Variants in CD55 observed in about 807,000 individuals in gnomAD.
The protein encoded by CD55 is complement decay-accelerating factor.
In CD55, 41 loss-of-function variants were observed where a neutral mutation model predicts 45.8. The ratio of observed to expected loss-of-function variants is 0.90; its 90% CI spans 0.70 to 1.16. The LOEUF is 1.16. Ranked by LOEUF, CD55 falls within the 50% of genes most tolerant of loss-of-function variation. The pLI, the probability that CD55 is intolerant of heterozygous loss-of-function variation, is 0.00. For synonymous variants in CD55, 181 were observed against 181.1 expected (o/e 1.00, Z 0.01); for missense variants, 416 against 469.8 (o/e 0.89, Z 1.06).
intron 6 of CD55, among the ~76,000 whole-genome samples, chr1:207,333,785 G>A (rs755041965): frequency 6.6e-6 from 1 of 152,074 alleles, no homozygotes; most frequent in Non-Finnish European, 1.5e-5. Context: ...AGGCAGAGCA[G>A]GAAACAGTAT....
intron 7 of CD55, 114 bp downstream of exon 7, chr1:207,336,932 A>T: frequency 8.1e-7 from 1 of 1,233,554 alleles, no homozygotes; most frequent in Admixed American, 1.9e-5. Context: ...TACAATAGTC[A>T]CACCAACACC....
chr1:207,336,139 T>C (rs1195375350), intron 6 of CD55, among the ~76,000 whole-genome samples: 4 of 152,150 alleles, frequency 2.6e-5, no homozygotes, highest in Non-Finnish European at 5.9e-5. Context: ...TGTTATCTAG[T>C]CTGAAATCTA....
chr1:207,357,209 A>C (rs1246460164), intron 9 of CD55, among the ~76,000 whole-genome samples: 3 of 152,184 alleles, frequency 2.0e-5, no homozygotes, highest in Non-Finnish European at 4.4e-5. Context: ...TAATTTTTAC[A>C]GGCATTTGTT....
rs1475500098 is a variant in CD55, at chr1:207,354,144, G to A, written c.1082-5402G>A. 2.7e-6 allele frequency: 4 copies of A among 1,504,148 alleles called. No homozygotes were observed. The East Asian group carries it at 9.9e-5, about 37-fold the overall frequency. 93.2% of individuals were successfully genotyped at this position (1,504,148 alleles called of 1,614,324 possible). A position where few individuals can be genotyped will look rare whatever the true frequency, so the allele number is the denominator to read the frequency against. The stretch of plus-strand genomic sequence containing the variant: ...AGTTGGGTTCTTTGGCAGTGAAGAT[G>A]ATACCCTATATATTAATGTAGTATC... On this transcript the variant is annotated intron_variant, in intron 9 of 9. Transcript: ENST00000367064.
In CD55 at chr1:207,341,550, A is replaced by T. The variant is rs183253880; in HGVS notation, c.1081+2133A>T. On this transcript the variant is annotated intron_variant, in intron 9 of 9. Transcript: ENST00000367064. ...TATGTTCTTGGCACCTTTGTAAAAA[A>T]ATCAGTTAGCTATAAATATGTGGAT... Among the ~76,000 whole-genome samples the T allele has an allele frequency of 1.4e-3, 215 of 152,268 alleles. 1 individual carries two copies. Among genetic ancestry groups the T allele is most frequent in the Non-Finnish European group, 7.9e-4 (54 of 68,012 alleles).
intron 9 of CD55, among the ~76,000 whole-genome samples, chr1:207,345,305 C>A (rs1188573290): frequency 6.6e-6 from 1 of 151,974 alleles, no homozygotes; most frequent in East Asian, 1.9e-4. Flanking sequence ...GAGATTCTTT[C>A]TTCTGCTTGA....
At chr1:207,342,160 C>T (rs925395707) in intron 9 of CD55, among the ~76,000 whole-genome samples, 1 of 151,730 alleles carries the variant, frequency 6.6e-6, no homozygotes, top group Non-Finnish European at 1.5e-5. Flanking sequence ...TTTTTTTTTA[C>T]ATATAAAATC....
intron 9 of CD55, among the ~76,000 whole-genome samples, chr1:207,344,175 T>C (rs1465473377): frequency 6.6e-6 from 1 of 152,248 alleles, no homozygotes; most frequent in Non-Finnish European, 1.5e-5. Flanking sequence ...GTTATTGATA[T>C]GTGAGGAATT....
chr1:207,331,060 A>G (rs775558987), intron 5 of CD55, 48 bp from the exon 6 acceptor site: 5 of 1,266,296 alleles, frequency 3.9e-6, no homozygotes, highest in African/African-American at 3.1e-5. Context: ...TTGTAAAAAT[A>G]CTTTACTAGT....
intron 9 of CD55, among the ~76,000 whole-genome samples, chr1:207,356,626 C>T (rs887187137): frequency 1.3e-5 from 2 of 152,074 alleles, no homozygotes; most frequent in Non-Finnish European, 2.9e-5. Flanking sequence ...GTTAAGGCAG[C>T]AGACAAATGG....
At chr1:207,339,611 G>T (rs960100655) in intron 9 of CD55, among the ~76,000 whole-genome samples, 194 bp downstream of exon 9, 3 of 151,946 alleles carry the variant, frequency 2.0e-5, no homozygotes, top group Non-Finnish European at 4.4e-5. Flanking sequence ...TCATATACTC[G>T]CTCGGATTCA....
At position 207,322,400 on chromosome 1, in the gene CD55, C is replaced by A. The variant is rs779820703; in HGVS notation, c.119C>A (p.Pro40Gln). Reference protein sequence around the residue: ...PAVWGDCGLPPDVPNAQPALE... With the variant: ...PAVWGDCGLPQDVPNAQPALE... Reference sequence around the variant, plus strand: ...TCCCTAGGTGACTGTGGCCTTCCCCCAGATGTACCTAATGCCCAGCCAGCT... The same window carrying A: ...TCCCTAGGTGACTGTGGCCTTCCCCAAGATGTACCTAATGCCCAGCCAGCT... The change falls in exon 2 of 10, where the codon CCA becomes CAA. Residue 40 changes from proline (P) to glutamine (Q), a missense_variant. Around this residue, in one of 3 missense-constraint regions of CD55, gnomAD observed 123 missense variants for 105.1 expected, o/e 1.17. Transcript: ENST00000367064. The A allele has an allele frequency of 2.5e-6, 4 of 1,614,030 alleles. No homozygotes were observed. Among genetic ancestry groups the A allele is most frequent in the Non-Finnish European group, 3.4e-6 (4 of 1,179,910 alleles).
Position 207,359,685 on chromosome 1 carries a change from G to T in CD55, c.*75G>T. 1.3e-6 allele frequency: 2 copies of T among 1,511,958 alleles called. No individual in the cohort carries two copies. Among genetic ancestry groups the T allele is most frequent in the South Asian group, 1.3e-5 (1 of 77,374 alleles). 93.7% of individuals were successfully genotyped at this position (1,511,958 alleles called of 1,614,324 possible). A position where few individuals can be genotyped will look rare whatever the true frequency, so the allele number is the denominator to read the frequency against. On this transcript the variant is annotated 3_prime_UTR_variant, in exon 10 of 10. Transcript: ENST00000367064. ...AGTTTCTTAGACTTATCTGCATATT[G>T]GATAAAATAAATGCAATTGTGCTCT...
chr1:207,321,917 A>G (rs1654424397), intron 1 of CD55, 52 bp downstream of exon 1: 3 of 1,337,706 alleles, frequency 2.2e-6, no homozygotes, highest in African/African-American at 3.0e-5. Context: ...TGGGAGGTCC[A>G]AGTCGGTCTC....
rs749509433 is a variant in CD55, at chr1:207,331,308, G to A, written c.853+12G>A. On this transcript the variant is annotated intron_variant, in intron 6 of 9. Transcript: ENST00000367064. ...ACCTGAATGCAGAGGTAATCACTTTGGATAGTTATATTTTTGCTTTATTCT... is the reference window on the plus strand; with the variant it reads ...ACCTGAATGCAGAGGTAATCACTTTAGATAGTTATATTTTTGCTTTATTCT... The A allele has an allele frequency of 1.9e-5, 30 of 1,608,642 alleles. No individual in the cohort carries two copies. Among genetic ancestry groups the A allele is most frequent in the Non-Finnish European group, 2.6e-5 (30 of 1,176,082 alleles).
chr1:207,333,055 A>G (rs1655019560), intron 6 of CD55, among the ~76,000 whole-genome samples: 1 of 152,204 alleles, frequency 6.6e-6, no homozygotes, highest in Non-Finnish European at 1.5e-5. Context: ...AATTTTTCCT[A>G]AAGGCCATTT....
intron 6 of CD55, among the ~76,000 whole-genome samples, chr1:207,335,780 G>T (rs1655145253): frequency 6.6e-6 from 1 of 152,074 alleles, no homozygotes; most frequent in African/African-American, 2.4e-5. Flanking sequence ...TGTGTGATGG[G>T]GCTGGCAACA....
intron 9 of CD55, among the ~76,000 whole-genome samples, chr1:207,349,187 T>A (rs963990026): frequency 1.8e-4 from 25 of 138,742 alleles, no homozygotes; most frequent in Non-Finnish European, 3.4e-4. Context: ...TTTGTATTAA[T>A]TTTTTTTTTT....
intron 9 of CD55, chr1:207,353,895 A>T: frequency 1.1e-6 from 1 of 932,842 alleles, no homozygotes; most frequent in Non-Finnish European, 1.5e-6. Context: ...GGGTGCCTTC[A>T]CTTGTCCACA....
Sources: allele counts gnomAD v4.1 joint callset (sites outside exome capture counted in the v4.1 genomes callset), GRCh38; gene constraint gnomAD v4.1.1; regional missense constraint gnomAD v4.1.1; transcripts MANE v1.5; gene names NCBI Gene and HGNC (gene_info 2026-07-23, HGNC 2026-07-21).